ADCK1: variants seen among roughly 807,000 people sequenced by gnomAD.
ADCK1 encodes aarF domain-containing protein kinase 1.
ADCK1 carries 41 observed loss-of-function variants against 52.3 expected under a neutral mutation model. That is an observed-to-expected ratio of 0.78 (90% CI 0.61 to 1.02). ADCK1 has a LOEUF of 1.02. ADCK1 is among the 50% of genes least tolerant of loss of function. The pLI is 0.00. For synonymous variants in ADCK1, 250 were observed against 274.6 expected, an observed-to-expected ratio of 0.91 and a Z score of 0.89; for missense variants, 658 against 679.5, an observed-to-expected ratio of 0.97 and a Z score of 0.35.
intron 4 of ADCK1, among the ~76,000 whole-genome samples, chr14:77,867,457 TGAA>T (rs1234435089): frequency 6.6e-6 from 1 of 151,938 alleles, no homozygotes; most frequent in Non-Finnish European, 1.5e-5. Flanking sequence ...AAAAACATAA[TGAA>T]GAATAAAAAA....
chr14:77,902,073 G>T lies in ADCK1; in HGVS notation c.741+2815G>T, dbSNP rs555864427. Among the ~76,000 whole-genome samples the T allele has an allele frequency of 3.9e-5, 6 of 152,304 alleles. No homozygotes were observed. The East Asian group carries it at 1.2e-3, about 29-fold the overall frequency. ...AAGGGACTCTCTCATTCTTCCCTAA[G>T]GTGTCCTTTTGGCTTTTGAAGACAT... On this transcript the variant is annotated intron_variant, in intron 6 of 10. Coordinates refer to ENST00000238561, the MANE Select transcript of ADCK1 (RefSeq NM_020421.4).
intron 6 of ADCK1, among the ~76,000 whole-genome samples, chr14:77,902,937 G>T (rs559452612): frequency 2.6e-4 from 39 of 152,316 alleles, no homozygotes; most frequent in African/African-American, 8.7e-4. Flanking sequence ...CTGACTTCAA[G>T]TGTGGTGCTC....
chr14:77,840,721 G>A (rs890333131), intron 3 of ADCK1, among the ~76,000 whole-genome samples: 1 of 151,780 alleles, frequency 6.6e-6, no homozygotes, highest in African/African-American at 2.4e-5. Flanking sequence ...GGTGGTGTGC[G>A]CCTGAAGTCC....
At chr14:77,908,565 G>T (rs1399853392) in intron 7 of ADCK1, among the ~76,000 whole-genome samples, 1 of 152,148 alleles carries the variant, frequency 6.6e-6, no homozygotes, top group Non-Finnish European at 1.5e-5. Context: ...TTGCTCTGTT[G>T]CCTAGACTGG....
At chr14:77,803,065 T>C (rs1411968130) in intron 1 of ADCK1, among the ~76,000 whole-genome samples, 1 of 152,224 alleles carries the variant, frequency 6.6e-6, no homozygotes, top group African/African-American at 2.4e-5. Context: ...ATTGACTTGG[T>C]GTCTTTGGCA....
At chr14:77,868,236 C>G (rs1291649364) in intron 4 of ADCK1, among the ~76,000 whole-genome samples, 3 of 152,192 alleles carry the variant, frequency 2.0e-5, no homozygotes, top group African/African-American at 7.2e-5. Flanking sequence ...GGGGCAGTCA[C>G]TTGCTTAATG....
intron 7 of ADCK1, among the ~76,000 whole-genome samples, chr14:77,910,965 G>A (rs2083777947): frequency 6.6e-6 from 1 of 152,086 alleles, no homozygotes; most frequent in South Asian, 2.1e-4. Context: ...CCCTAGATTG[G>A]CCTCTACCAG....
chr14:77,814,621 C>G (rs1356790011), intron 1 of ADCK1, among the ~76,000 whole-genome samples: 1 of 147,278 alleles, frequency 6.8e-6, no homozygotes, highest in African/African-American at 2.5e-5. Context: ...TTGCTTGAAC[C>G]CAGGAGGTCA....
At chr14:77,928,201 G>A (rs1225127756) in intron 9 of ADCK1, among the ~76,000 whole-genome samples, 1 of 152,124 alleles carries the variant, frequency 6.6e-6, no homozygotes. Context: ...GTTTTATGGT[G>A]GGGGATGGTG....
At chr14:77,924,288 TAAACTC>T (rs3217221) in intron 7 of ADCK1, 163 bp from the exon 8 acceptor site, 216,962 of 811,054 alleles carry the variant, frequency 0.27, 29,323 homozygotes, top group East Asian at 0.44. Context: ...TAAGAAATCT[TAAACTC>T]AAAGAGTATG....
chr14:77,842,879 CT>C (rs202141534), intron 3 of ADCK1, among the ~76,000 whole-genome samples: 8,331 of 140,150 alleles, frequency 0.059, 269 homozygotes, highest in Middle Eastern at 0.092. Context: ...CTTTTCTTTT[CT>C]TTTCTTTCTT....
At chr14:77,889,380 C>T (rs987361321) in intron 5 of ADCK1, among the ~76,000 whole-genome samples, 18 of 152,286 alleles carry the variant, frequency 1.2e-4, no homozygotes, top group African/African-American at 4.1e-4. Context: ...GTATTGTACT[C>T]ACCTATTTTC....
At chr14:77,822,592 C>A in intron 3 of ADCK1, 74 bp downstream of exon 3, 1 of 1,273,184 alleles carries the variant, frequency 7.9e-7, no homozygotes, top group South Asian at 1.2e-5. Flanking sequence ...TCTAGTGATC[C>A]TCCCACCTCA....
chr14:77,815,011 C>G (rs978500509), intron 1 of ADCK1, among the ~76,000 whole-genome samples: 1 of 150,802 alleles, frequency 6.6e-6, no homozygotes, highest in African/African-American at 2.4e-5. Context: ...ATCAGCCTCC[C>G]GAGTAGCTGG....
chr14:77,841,061 G>C (rs4359362), intron 3 of ADCK1, among the ~76,000 whole-genome samples: 59,982 of 152,120 alleles, frequency 0.39, 12,399 homozygotes, highest in Admixed American at 0.51. Context: ...AGGTGGCAAG[G>C]GCATTATTCT....
intron 3 of ADCK1, among the ~76,000 whole-genome samples, chr14:77,838,939 A>T (rs561280694): frequency 6.6e-6 from 1 of 152,204 alleles, no homozygotes; most frequent in East Asian, 1.9e-4. Flanking sequence ...CAATGATGGG[A>T]CTCAAAAGCA....
At chr14:77,861,996 G>A (rs2082559914) in intron 4 of ADCK1, among the ~76,000 whole-genome samples, 1 of 152,190 alleles carries the variant, frequency 6.6e-6, no homozygotes, top group Non-Finnish European at 1.5e-5. Flanking sequence ...GTGCGCTGGG[G>A]CCACATTGCT....
intron 6 of ADCK1, among the ~76,000 whole-genome samples, chr14:77,905,758 G>A (rs531891625): frequency 3.9e-5 from 6 of 152,222 alleles, no homozygotes; most frequent in African/African-American, 1.4e-4. Flanking sequence ...AGGCTGCAGT[G>A]CGCTATGATG....
At chr14:77,908,309 C>T (rs2083714290) in intron 7 of ADCK1, 1 of 165,520 alleles carries the variant, frequency 6.0e-6, no homozygotes, top group African/African-American at 2.4e-5. Context: ...CTTCCCAGAT[C>T]TCAAGGGATC....
Sources: gnomAD v4.1 joint callset for allele counts (sites outside exome capture counted in the v4.1 genomes callset) on GRCh38, gnomAD v4.1.1 for gene constraint, MANE v1.5 for transcripts, NCBI Gene and HGNC (gene_info 2026-07-23, HGNC 2026-07-21) for gene names.